The following KLF17 variants were observed in gnomAD, a reference collection of about 807,000 sequenced individuals.
KLF17 encodes the protein Krueppel-like factor 17.
A neutral mutation model predicts 34.2 loss-of-function variants in KLF17; 31 were observed. The ratio of observed to expected loss-of-function variants is 0.91; its 90% CI spans 0.68 to 1.22. The LOEUF (loss-of-function observed/expected upper bound fraction) is 1.22. KLF17 is among the 50% of genes most tolerant of loss of function. KLF17 has a pLI of 0.00. For missense variants in KLF17, 478 were observed against 505.2 expected (o/e 0.95, Z 0.52); for synonymous variants, 179 against 186.7 (o/e 0.96, Z 0.34).
the KLF17 span, among the ~76,000 whole-genome samples, chr1:44,100,717 G>C: frequency 6.6e-6 from 1 of 151,728 alleles, no homozygotes; most frequent in African/African-American, 2.4e-5. Context: ...GTGCAGTGGC[G>C]CAATCTCCAC....
At chr1:44,099,905 GAAAGA>G in the KLF17 span, among the ~76,000 whole-genome samples, 1 of 52,200 alleles carries the variant, frequency 1.9e-5, no homozygotes, top group Non-Finnish European at 4.1e-5. Context: ...AAGAAAGAAA[GAAAGA>G]AAGAAAGAAA....
At chr1:44,114,651 G>A (rs1206900089), upstream of KLF17, 2 of 152,298 alleles carry the variant, frequency 1.3e-5, no homozygotes, top group South Asian at 2.1e-4. Context: ...GTGGGCGGTG[G>A]TAGCAGTCTG....
At chr1:44,109,332 A>G in the KLF17 span, among the ~76,000 whole-genome samples, 1 of 152,228 alleles carries the variant, frequency 6.6e-6, no homozygotes, top group Non-Finnish European at 1.5e-5. Flanking sequence ...GAAAACAAAG[A>G]AGCTGAACTC....
the KLF17 span, among the ~76,000 whole-genome samples, chr1:44,057,772 TG>T: frequency 1.1e-3 from 163 of 152,302 alleles, 1 homozygote; most frequent in African/African-American, 3.9e-3. Context: ...CAAATCTTCC[TG>T]GGAAAGAAAT....
chr1:44,108,593 T>C, the KLF17 span, among the ~76,000 whole-genome samples: 5,467 of 148,202 alleles, frequency 0.037, 104 homozygotes, highest in African/African-American at 0.055. Context: ...TGGTGATCTC[T>C]GCTGGGTGGC....
At chr1:44,126,475 A>T (rs930635437) in intron 1 of KLF17, among the ~76,000 whole-genome samples, 2 of 152,216 alleles carry the variant, frequency 1.3e-5, no homozygotes, top group African/African-American at 4.8e-5. Flanking sequence ...CTTCCTTTGG[A>T]AGTTACAAGC....
At chr1:44,127,692 T>TTCTTTCTTTTTCTTTC (rs753421834) in intron 1 of KLF17, among the ~76,000 whole-genome samples, 52 of 90,154 alleles carry the variant, frequency 5.8e-4, no homozygotes, top group African/African-American at 1.3e-3. Context: ...CTTTCTTTCT[T>TTCTTTCTTTTTCTTTC]TTTCTTTCTT....
chr1:44,119,710 G>A (rs756622224), intron 1 of KLF17, among the ~76,000 whole-genome samples: 1 of 152,162 alleles, frequency 6.6e-6, no homozygotes, highest in Admixed American at 6.6e-5. Flanking sequence ...CAGGCTGCAT[G>A]CTTCCTCTTA....
chr1:44,092,396 T>C, the KLF17 span, among the ~76,000 whole-genome samples: 1 of 152,152 alleles, frequency 6.6e-6, no homozygotes, highest in African/African-American at 2.4e-5. Flanking sequence ...GCCATTCAAC[T>C]AAGAATCTTG....
the KLF17 span, among the ~76,000 whole-genome samples, chr1:44,112,792 A>G: frequency 6.6e-5 from 10 of 152,300 alleles, no homozygotes; most frequent in Admixed American, 4.6e-4. Flanking sequence ...ATTTAAGAGT[A>G]AAATAGGGTT....
the KLF17 span, among the ~76,000 whole-genome samples, chr1:44,098,845 C>T: frequency 2.0e-5 from 3 of 151,764 alleles, no homozygotes; most frequent in Admixed American, 6.6e-5. Context: ...CCACTGTGTC[C>T]AGCCATCTTT....
chr1:44,122,699 G>A (rs1303622443), intron 1 of KLF17, among the ~76,000 whole-genome samples: 1 of 151,830 alleles, frequency 6.6e-6, no homozygotes, highest in Admixed American at 6.6e-5. Flanking sequence ...CCAAATTCAA[G>A]CGATTCTCAT....
the KLF17 span, among the ~76,000 whole-genome samples, chr1:44,050,654 C>T: frequency 2.1e-4 from 32 of 152,322 alleles, no homozygotes; most frequent in Middle Eastern, 6.8e-3. Context: ...CAGTGGCTCA[C>T]ACCTATAATC....
the KLF17 span, among the ~76,000 whole-genome samples, chr1:44,096,696 A>G: frequency 0.32 from 49,267 of 151,776 alleles, 8,147 homozygotes; most frequent in South Asian, 0.38. Context: ...CACTGTGCCC[A>G]GCCTACGGTT....
the KLF17 span, among the ~76,000 whole-genome samples, chr1:44,067,751 G>A: frequency 3.3e-5 from 5 of 152,186 alleles, no homozygotes; most frequent in Admixed American, 1.3e-4. Context: ...AGCAACTGGG[G>A]CAGGGTGCAC....
chr1:44,127,639 C>CTTTCTTTCTTTCTTT lies in KLF17; in HGVS notation c.82-1712_82-1711insTCTTTCTTTCTTTTT, dbSNP rs1553171634. ...CTTTTCTTTTCTTTTCTTTTCTTTC[C>CTTTCTTTCTTTCTTT]TTCTTTCTTTCTTTCTTTCTTTCTT... On this transcript the variant is annotated intron_variant, in intron 1 of 3. Coordinates refer to ENST00000372299, the MANE Select transcript of KLF17 (RefSeq NM_173484.4). 3.9e-5 allele frequency among the ~76,000 whole-genome samples: 3 copies of CTTTCTTTCTTTCTTT among 77,346 alleles called. No homozygotes were observed. In the East Asian group the frequency reaches 1.4e-3, roughly 35 times the overall value. 50.7% of individuals were successfully genotyped at this position (77,346 alleles called of 152,430 possible).
At chr1:44,082,803 G>A in the KLF17 span, among the ~76,000 whole-genome samples, 1 of 152,112 alleles carries the variant, frequency 6.6e-6, no homozygotes, top group East Asian at 1.9e-4. Flanking sequence ...TTAGAAACGC[G>A]ACCCCAAACC....
chr1:44,078,438 T>C, the KLF17 span, among the ~76,000 whole-genome samples: 1 of 51,684 alleles, frequency 1.9e-5, no homozygotes, highest in Non-Finnish European at 4.5e-5. Context: ...TTCCTTCTTC[T>C]TTTTTTTTTT....
At chr1:44,093,663 G>A in the KLF17 span, among the ~76,000 whole-genome samples, 1 of 152,154 alleles carries the variant, frequency 6.6e-6, no homozygotes, top group African/African-American at 2.4e-5. Flanking sequence ...CCAAAGTGCT[G>A]GGATTACAGG....
Sources: gnomAD v4.1 joint callset for allele counts (sites outside exome capture counted in the v4.1 genomes callset) on GRCh38, gnomAD v4.1.1 for gene constraint, MANE v1.5 for transcripts, NCBI Gene and HGNC (gene_info 2026-07-23, HGNC 2026-07-21) for gene names.